Variants in ZNF766 observed in about 807,000 individuals in gnomAD.
ZNF766 encodes the protein zinc finger protein 766.
Under a neutral mutation model 13.2 loss-of-function variants are expected in ZNF766, and 13 were observed. That is an observed-to-expected ratio of 0.98 (90% CI 0.64 to 1.56). The LOEUF is 1.56. Ranked by LOEUF, ZNF766 falls within the 40% of genes most tolerant of loss-of-function variation. The pLI is 0.00. For synonymous variants in ZNF766, 178 were observed against 187.6 expected, an observed-to-expected ratio of 0.95 and a Z score of 0.42; for missense variants, 521 against 552.2, an observed-to-expected ratio of 0.94 and a Z score of 0.57.
intron 1 of ZNF766, among the ~76,000 whole-genome samples, chr19:52,281,019 G>T (rs1981486253): frequency 6.6e-6 from 1 of 151,818 alleles, no homozygotes; most frequent in African/African-American, 2.4e-5. Context: ...GCTGGGTGTG[G>T]TGGCACATAC....
At chr19:52,273,946 T>C (rs1198231427) in intron 1 of ZNF766, among the ~76,000 whole-genome samples, 1 of 152,238 alleles carries the variant, frequency 6.6e-6, no homozygotes, top group African/African-American at 2.4e-5. Flanking sequence ...AGCCTTAATA[T>C]TTGAAGTTGA....
intron 1 of ZNF766, among the ~76,000 whole-genome samples, chr19:52,275,240 T>G (rs1028151827): frequency 4.6e-5 from 7 of 152,114 alleles, no homozygotes; most frequent in Admixed American, 6.6e-5. Flanking sequence ...ATGTGTGTGT[T>G]TGTGTCTTAG....
intron 1 of ZNF766, among the ~76,000 whole-genome samples, chr19:52,272,380 A>T (rs1981014680): frequency 2.0e-5 from 3 of 152,034 alleles, no homozygotes; most frequent in African/African-American, 7.2e-5. Context: ...TTTGTTTCAG[A>T]TTTTTGTGTT....
intron 1 of ZNF766, among the ~76,000 whole-genome samples, chr19:52,281,004 A>C (rs1176681969): frequency 6.6e-6 from 1 of 151,788 alleles, no homozygotes; most frequent in Non-Finnish European, 1.5e-5. Context: ...AAAAATACAA[A>C]ATTAGCTGGG....
In ZNF766 at chr19:52,290,188, T is replaced by C; in HGVS notation, c.397T>C (p.Cys133Arg). The change falls in exon 4 of 4, where the codon TGT (cysteine) becomes CGT (arginine). Residue 133 changes from cysteine (C) to arginine (R), a missense_variant. Transcript: ENST00000439461. ...IFQGEGKIYE[C>R]NQVQKFISHS... Reference sequence around the variant, plus strand: ...TCAAGGTGAAGGGAAGATTTATGAATGTAATCAAGTTCAAAAGTTCATCAG... The same window carrying C: ...TCAAGGTGAAGGGAAGATTTATGAACGTAATCAAGTTCAAAAGTTCATCAG... 1.9e-6 allele frequency: 3 copies of C among 1,614,054 alleles called. No homozygotes were observed. Among genetic ancestry groups the C allele is most frequent in the Non-Finnish European group, 2.5e-6 (3 of 1,179,908 alleles).
intron 1 of ZNF766, among the ~76,000 whole-genome samples, chr19:52,270,286 A>G (rs1980919599): frequency 6.6e-6 from 1 of 152,170 alleles, no homozygotes; most frequent in South Asian, 2.1e-4. Context: ...AGGTAGAGGA[A>G]ACAGAAAAAT....
At position 52,283,405 on chromosome 19, in the gene ZNF766, T is replaced by G. The variant is rs373120075; in HGVS notation, c.266T>G (p.Ile89Ser). The change falls in exon 3 of 4, where the codon ATC becomes AGC. Residue 89 changes from isoleucine to serine, a missense_variant. Transcript: ENST00000439461. ...NPDRWEGIKD[I>S]NTGRSCAVRS... is the part of the protein sequence containing the mutation. The stretch of plus-strand genomic sequence containing the variant: ...GATAGGTGGGAAGGTATCAAAGATA[T>G]CAACACAGGTAAGAGCTCAGATGGA... 5 of 1,593,146 alleles carry G rather than the reference T, an allele frequency of 3.1e-6. No homozygotes were observed. Among genetic ancestry groups the G allele is most frequent in the Non-Finnish European group, 4.3e-6 (5 of 1,168,914 alleles).
rs944169284 is a variant in ZNF766, at chr19:52,292,990, G to A, written c.*1792G>A. The A allele has an allele frequency of 6.6e-6, 1 of 151,478 alleles. No individual in the cohort carries two copies. The highest frequency in any genetic ancestry group is 2.4e-5 in the African/African-American group (1 of 41,142). 9.4% of individuals were successfully genotyped at this position (151,478 alleles called of 1,614,324 possible). A position where few individuals can be genotyped will look rare whatever the true frequency, so the allele number is the denominator to read the frequency against. On this transcript the variant is annotated 3_prime_UTR_variant, in exon 4 of 4. Transcript: ENST00000439461. ...AGCCCCCCACCCCCCGACAGGCCCC[G>A]GTGTGTGATGTTACCCGCCTTGTGT...
intron 3 of ZNF766, among the ~76,000 whole-genome samples, chr19:52,287,530 A>G (rs1732127464): frequency 6.6e-6 from 1 of 152,162 alleles, no homozygotes; most frequent in Non-Finnish European, 1.5e-5. Context: ...CACCTCCTCA[A>G]CCTTACGGCA....
intron 3 of ZNF766, among the ~76,000 whole-genome samples, chr19:52,289,125 G>T (rs1035556313): frequency 1.3e-5 from 2 of 150,644 alleles, no homozygotes; most frequent in Non-Finnish European, 2.9e-5. Context: ...CAAAGTGCTG[G>T]GATTACAGGC....
intron 1 of ZNF766, among the ~76,000 whole-genome samples, chr19:52,276,494 T>TTTTTG (rs199834770): frequency 2.0e-5 from 3 of 152,142 alleles, no homozygotes; most frequent in African/African-American, 4.8e-5. Context: ...ATAGTCTTCT[T>TTTTTG]TTTTGTTTTG....
chr19:52,291,270 A>G lies in ZNF766; in HGVS notation c.*72A>G. 1 of 1,415,108 alleles carries G rather than the reference A, an allele frequency of 7.1e-7. No individual in the cohort carries two copies. Among genetic ancestry groups the G allele is most frequent in the South Asian group, 1.4e-5 (1 of 70,138 alleles). 87.7% of individuals were successfully genotyped at this position (1,415,108 alleles called of 1,614,324 possible). ...AGTCTATACTAGAAAGAAATCATTT[A>G]AATGTACTATATGTGGCACAGGCTG... On this transcript the variant is annotated 3_prime_UTR_variant, in exon 4 of 4. Coordinates refer to ENST00000439461, the MANE Select transcript of ZNF766 (RefSeq NM_001010851.3).
At chr19:52,277,519 A>T (rs1330355796) in intron 1 of ZNF766, 1 of 1,577,946 alleles carries the variant, frequency 6.3e-7, no homozygotes, top group Admixed American at 1.8e-5. Flanking sequence ...AAAGCAGAGG[A>T]GTCAGGCATG....
At position 52,290,599 on chromosome 19, in the gene ZNF766, C is replaced by A. The variant is rs1451993299; in HGVS notation, c.808C>A (p.Pro270Thr). Residue 270 changes from proline to threonine, a missense_variant, in exon 4 of 4, where the codon CCT becomes ACT. Transcript: ENST00000439461. Reference sequence around the variant, plus strand: ...CGAGAAAGTGCATACTGGAGAGAGTCCTTACAAATGTAATGAGTGTGGCAA... The same window carrying A: ...CGAGAAAGTGCATACTGGAGAGAGTACTTACAAATGTAATGAGTGTGGCAA... ...RHEKVHTGES[P>T]YKCNECGKVF... 1 of 1,614,050 alleles carries A rather than the reference C, an allele frequency of 6.2e-7. No homozygotes were observed. The highest frequency in any genetic ancestry group is 1.1e-5 in the South Asian group (1 of 91,068).
Position 52,286,320 on chromosome 19 carries a change from TTC to T in ZNF766, c.274+2909_274+2910del, listed in dbSNP as rs768426934. Among the ~76,000 whole-genome samples the T allele has an allele frequency of 2.1e-4, 30 of 145,580 alleles. No individual in the cohort carries two copies. In the East Asian group the frequency reaches 2.7e-3, roughly 13 times the overall value. On this transcript the variant is annotated intron_variant, in intron 3 of 3. Transcript: ENST00000439461. ...TTCCTAGTGTGTTGAGTGTTTTTCT[TTC>T]TTTTTTTTTTTTTTCTTTTGGGGGA...
At chr19:52,276,948 C>T (rs960428684) in intron 1 of ZNF766, among the ~76,000 whole-genome samples, 4 of 152,030 alleles carry the variant, frequency 2.6e-5, no homozygotes, top group Admixed American at 6.6e-5. Flanking sequence ...GTGGGCTTCT[C>T]CAGGAGGGGA....
intron 3 of ZNF766, among the ~76,000 whole-genome samples, chr19:52,288,880 C>G (rs1981967849): frequency 6.6e-6 from 1 of 151,956 alleles, no homozygotes; most frequent in South Asian, 2.1e-4. Flanking sequence ...GAGCCTTGCT[C>G]TGTCACCCAG....
intron 1 of ZNF766, among the ~76,000 whole-genome samples, chr19:52,272,054 AT>A (rs1321589261): frequency 6.6e-6 from 1 of 151,928 alleles, no homozygotes; most frequent in Non-Finnish European, 1.5e-5. Context: ...AAAATAAAAA[AT>A]ATTCTATTAA....
chr19:52,282,022 T>G (rs1981550627), intron 1 of ZNF766, 89 bp from the exon 2 acceptor site: 1 of 1,494,754 alleles, frequency 6.7e-7, no homozygotes, highest in African/African-American at 1.4e-5. Flanking sequence ...GCACTTCAGT[T>G]GAGTCAGTCC....
Sources: allele counts gnomAD v4.1 joint callset (sites outside exome capture counted in the v4.1 genomes callset), GRCh38; gene constraint gnomAD v4.1.1; transcripts MANE v1.5; gene names NCBI Gene and HGNC (gene_info 2026-07-23, HGNC 2026-07-21).